EYA1: variants seen among roughly 807,000 people sequenced by gnomAD.
EYA1 encodes the protein EYA transcriptional coactivator and phosphatase 1, also known as protein phosphatase EYA1.
Under a neutral mutation model 82.0 loss-of-function variants are expected in EYA1, and 16 were observed. That is an observed-to-expected ratio of 0.20 (90% CI 0.13 to 0.30). EYA1 has a LOEUF of 0.30. EYA1 is among the 10% of genes least tolerant of loss of function. The pLI, the probability that EYA1 is intolerant of heterozygous loss-of-function variation, is 1.00. For synonymous variants in EYA1, 261 were observed against 264.4 expected (o/e 0.99, Z 0.12); for missense variants, 633 against 730.7 (o/e 0.87, Z 1.54).
At chr8:71,446,679 CT>C (rs1205961269) in intron 2 of EYA1, among the ~76,000 whole-genome samples, 1 of 152,110 alleles carries the variant, frequency 6.6e-6, no homozygotes, top group Non-Finnish European at 1.5e-5. Context: ...TAAAAATCAT[CT>C]TTTGAATTAT....
At chr8:71,217,890 A>G (rs1265804457) in intron 12 of EYA1, among the ~76,000 whole-genome samples, 4 of 152,236 alleles carry the variant, frequency 2.6e-5, no homozygotes, top group Admixed American at 6.5e-5. Flanking sequence ...GTTTGCAGAT[A>G]TATCGGAGCA....
At chr8:71,462,736 C>T (rs1027298810) in intron 2 of EYA1, among the ~76,000 whole-genome samples, 2 of 152,138 alleles carry the variant, frequency 1.3e-5, no homozygotes, top group South Asian at 2.1e-4. Flanking sequence ...GGGTCTGGAG[C>T]GGTAGAGGGT....
intron 11 of EYA1, among the ~76,000 whole-genome samples, chr8:71,268,818 CA>C (rs1160043738): frequency 6.6e-6 from 1 of 152,152 alleles, no homozygotes; most frequent in Non-Finnish European, 1.5e-5. Context: ...GTTGAAAGAA[CA>C]ACCACCCGGT....
intron 2 of EYA1, among the ~76,000 whole-genome samples, chr8:71,406,466 G>A (rs1018968348): frequency 2.0e-5 from 3 of 152,188 alleles, no homozygotes; most frequent in African/African-American, 7.2e-5. Flanking sequence ...GAGGTACCGG[G>A]TTCATCTCAC....
intron 10 of EYA1, among the ~76,000 whole-genome samples, chr8:71,271,304 TTA>T (rs879942075): frequency 6.6e-5 from 10 of 152,236 alleles, no homozygotes; most frequent in African/African-American, 1.9e-4. Flanking sequence ...GTACGCTCTT[TTA>T]GTTATTTGAA....
At chr8:71,304,009 G>A (rs1820471801) in intron 7 of EYA1, among the ~76,000 whole-genome samples, 1 of 141,888 alleles carries the variant, frequency 7.0e-6, no homozygotes, top group African/African-American at 2.5e-5. Context: ...TGTATAATGG[G>A]AAGTTCTGAT....
At chr8:71,229,421 C>T (rs776206677) in intron 12 of EYA1, among the ~76,000 whole-genome samples, 1 of 152,158 alleles carries the variant, frequency 6.6e-6, no homozygotes, top group Non-Finnish European at 1.5e-5. Flanking sequence ...ACACAGACAA[C>T]TTCTGTGTAC....
At chr8:71,258,341 T>C (rs925463796) in intron 11 of EYA1, among the ~76,000 whole-genome samples, 1 of 152,200 alleles carries the variant, frequency 6.6e-6, no homozygotes, top group African/African-American at 2.4e-5. Context: ...TTCTGGGTAC[T>C]GGAGTCCATA....
At chr8:71,502,385 C>T (rs1420249793) in intron 2 of EYA1, among the ~76,000 whole-genome samples, 1 of 152,128 alleles carries the variant, frequency 6.6e-6, no homozygotes, top group Non-Finnish European at 1.5e-5. Context: ...TTTTTACCAC[C>T]AATACTGGCA....
At chr8:71,371,194 A>G (rs1378910081) in intron 2 of EYA1, among the ~76,000 whole-genome samples, 1 of 152,192 alleles carries the variant, frequency 6.6e-6, no homozygotes, top group East Asian at 1.9e-4. Context: ...TCCACTCTAC[A>G]TAGTCAGTAA....
Position 71,198,033 on chromosome 8 carries a change from A to G in EYA1, c.*1307T>C, listed in dbSNP as rs1253474129. The G allele has an allele frequency of 6.6e-6, 1 of 152,236 alleles. No homozygotes were observed. The highest frequency in any genetic ancestry group is 2.4e-5 in the African/African-American group (1 of 41,458). 9.4% of individuals were successfully genotyped at this position (152,236 alleles called of 1,614,324 possible). Reference sequence around the variant, plus strand: ...TGACAGGAAGAAAGAGAAAATACGCACATAGGGAGTAATGCAAAGTTTGCT... The same window carrying G: ...TGACAGGAAGAAAGAGAAAATACGCGCATAGGGAGTAATGCAAAGTTTGCT... On this transcript the variant is annotated 3_prime_UTR_variant, in exon 18 of 18. Transcript: ENST00000340726.
intron 11 of EYA1, among the ~76,000 whole-genome samples, chr8:71,246,741 G>C (rs1029528589): frequency 2.0e-5 from 3 of 152,188 alleles, no homozygotes; most frequent in Non-Finnish European, 4.4e-5. Context: ...TCTTTCATTT[G>C]TCAGAATCGT....
chr8:71,341,598 A>G (rs745425791), intron 3 of EYA1, among the ~76,000 whole-genome samples: 2 of 152,228 alleles, frequency 1.3e-5, no homozygotes, highest in Non-Finnish European at 2.9e-5. Flanking sequence ...CTAAAAGTGC[A>G]TATATCCATG....
At chr8:71,519,027 A>T (rs1813194731) in intron 2 of EYA1, among the ~76,000 whole-genome samples, 1 of 152,200 alleles carries the variant, frequency 6.6e-6, no homozygotes, top group Non-Finnish European at 1.5e-5. Context: ...ATCTTAATGT[A>T]CTGTACAGTT....
chr8:71,334,627 G>T (rs183222429), intron 3 of EYA1, among the ~76,000 whole-genome samples: 77 of 152,148 alleles, frequency 5.1e-4, no homozygotes, highest in African/African-American at 1.8e-3. Context: ...TCAAGGGCAA[G>T]GTCTCCCCCA....
intron 2 of EYA1, among the ~76,000 whole-genome samples, chr8:71,420,549 A>G (rs1291505258): frequency 1.3e-5 from 2 of 152,194 alleles, no homozygotes; most frequent in African/African-American, 4.8e-5. Flanking sequence ...GAACATAAAT[A>G]AAATCTCATA....
chr8:71,348,116 C>T (rs886854183), intron 3 of EYA1, among the ~76,000 whole-genome samples: 7 of 151,978 alleles, frequency 4.6e-5, no homozygotes, highest in Non-Finnish European at 8.8e-5. Context: ...AAATTTGTAA[C>T]ATGTATGTAT....
chr8:71,399,225 C>G (rs1489263662), intron 2 of EYA1, among the ~76,000 whole-genome samples: 1 of 152,170 alleles, frequency 6.6e-6, no homozygotes, highest in African/African-American at 2.4e-5. Context: ...AGGGAATTCC[C>G]TGACCCCTTG....
chr8:71,271,887 T>C lies in EYA1; in HGVS notation c.837A>G (p.Thr279=). Residue 279 remains threonine, a synonymous_variant, in exon 10 of 18, where the codon ACA becomes ACG. Coordinates refer to ENST00000340726, the MANE Select transcript of EYA1 (RefSeq NM_000503.6). ...AVTDPTAEYS[T]IHSPSTPIKD... ...TAATGGGTGTTGATGGGCTGTGGAT[T>C]GTGCTGTACTCTGCAGGAATATAGG... The C allele has an allele frequency of 1.9e-6, 3 of 1,614,240 alleles. No homozygotes were observed. In the South Asian group the frequency reaches 3.3e-5, roughly 18 times the overall value.
Sources: allele counts gnomAD v4.1 joint callset (sites outside exome capture counted in the v4.1 genomes callset), GRCh38; gene constraint gnomAD v4.1.1; transcripts MANE v1.5; gene names NCBI Gene and HGNC (gene_info 2026-07-23, HGNC 2026-07-21).